CSMD1: variants seen among roughly 807,000 people sequenced by gnomAD.
CSMD1 encodes CUB and Sushi multiple domains 1.
A neutral mutation model predicts 417.5 loss-of-function variants in CSMD1; 213 were observed. That is an observed-to-expected ratio of 0.51 (90% confidence interval 0.46 to 0.57). The LOEUF is 0.57. Among genes scored for constraint, CSMD1 ranks in the 20% least tolerant of loss-of-function variants. CSMD1 has a pLI of 0.00. For missense variants in CSMD1, 6,923 were observed against 4,529.7 expected (o/e 1.53, Z -15.17); for synonymous variants, 2,862 against 1,736.8 (o/e 1.65, Z -16.11).
At chr8:4,518,159 A>C (rs1803225807) in intron 2 of CSMD1, among the ~76,000 whole-genome samples, 1 of 151,936 alleles carries the variant, frequency 6.6e-6, no homozygotes. Context: ...GCCATAAGAC[A>C]AGAAGACAGA....
intron 3 of CSMD1, among the ~76,000 whole-genome samples, chr8:4,103,059 C>T (rs1801387190): frequency 6.6e-6 from 1 of 152,144 alleles, no homozygotes; most frequent in Admixed American, 6.6e-5. Flanking sequence ...AATTATGTTA[C>T]ATGGTTGTGC....
Position 3,481,544 on chromosome 8 carries a change from A to C in CSMD1, c.1448+12079T>G, listed in dbSNP as rs77515206. ...AATCCTGCTCTCACTCTAATCCCTC[A>C]AATCTGTGAAACTTACTTTTCAGAT... On this transcript the variant is annotated intron_variant, in intron 11 of 69. Transcript: ENST00000635120. 7.2e-3 allele frequency among the ~76,000 whole-genome samples: 1,093 copies of C among 152,292 alleles called. 5 individuals carry two copies. The highest frequency in any genetic ancestry group is 0.025 in the African/African-American group (1,036 of 41,558).
chr8:3,269,390 A>T (rs1378508904), intron 26 of CSMD1, among the ~76,000 whole-genome samples: 4 of 152,216 alleles, frequency 2.6e-5, no homozygotes, highest in Admixed American at 2.0e-4. Context: ...CATCAACCAC[A>T]CAGGCTTACG....
chr8:3,134,345 G>A (rs1231559770), intron 41 of CSMD1, among the ~76,000 whole-genome samples: 11 of 152,178 alleles, frequency 7.2e-5, no homozygotes, highest in Admixed American at 5.2e-4. Context: ...CAGCCACAGC[G>A]GACATCTGGA....
At chr8:4,786,439 C>T (rs1302704901) in intron 1 of CSMD1, among the ~76,000 whole-genome samples, 1 of 152,204 alleles carries the variant, frequency 6.6e-6, no homozygotes, top group Non-Finnish European at 1.5e-5. Flanking sequence ...CTCCAGCATT[C>T]ATCATGTATC....
At chr8:3,027,677 C>T (rs543426120) in intron 51 of CSMD1, among the ~76,000 whole-genome samples, 3 of 152,214 alleles carry the variant, frequency 2.0e-5, no homozygotes, top group African/African-American at 7.2e-5. Context: ...GCCCGAGACA[C>T]CTAGACATGT....
At chr8:4,566,665 A>G (rs1054882956) in intron 2 of CSMD1, among the ~76,000 whole-genome samples, 1 of 151,138 alleles carries the variant, frequency 6.6e-6, no homozygotes, top group African/African-American at 2.4e-5. Flanking sequence ...AAAAAAAAAA[A>G]AAAAAAAAAA....
chr8:3,823,157 A>C (rs1218450091), intron 5 of CSMD1, among the ~76,000 whole-genome samples: 1 of 152,156 alleles, frequency 6.6e-6, no homozygotes, highest in South Asian at 2.1e-4. Context: ...TTGTGTCTTC[A>C]TATCTTCTTT....
chr8:4,517,292 T>A (rs983815061), intron 2 of CSMD1, among the ~76,000 whole-genome samples: 8 of 152,318 alleles, frequency 5.3e-5, no homozygotes, highest in African/African-American at 1.7e-4. Flanking sequence ...ATAAAAGCTG[T>A]ATGTCGTGAG....
intron 5 of CSMD1, among the ~76,000 whole-genome samples, chr8:3,952,130 G>C (rs1358095304): frequency 6.6e-6 from 1 of 152,098 alleles, no homozygotes; most frequent in African/African-American, 2.4e-5. Context: ...TTTAAGTAGT[G>C]GTTCACAAAG....
chr8:3,676,838 T>A (rs1563262648), intron 7 of CSMD1, among the ~76,000 whole-genome samples: 1 of 151,996 alleles, frequency 6.6e-6, no homozygotes, highest in South Asian at 2.1e-4. Context: ...AAAGGATGAG[T>A]TCATTTCCTT....
intron 26 of CSMD1, among the ~76,000 whole-genome samples, chr8:3,276,572 C>T (rs996812282): frequency 8.5e-5 from 13 of 152,166 alleles, no homozygotes; most frequent in African/African-American, 3.1e-4. Flanking sequence ...TTACCTCCCA[C>T]TGGGTCCCTC....
chr8:2,951,222 A>T lies in CSMD1; in HGVS notation c.10093T>A (p.Leu3365Ile). The T allele has an allele frequency of 1.2e-6, 2 of 1,609,244 alleles. No individual in the cohort carries two copies. The highest frequency in any genetic ancestry group is 1.3e-5 in the African/African-American group (1 of 74,954). ...NSLWKGYYEY[L>I]GKRQPATLTV... ...AGAGTGGCGGGTTGTCTTTTCCCTA[A>T]ATATTCATAATACCCCTTCCACAGT... is the stretch of plus-strand genomic sequence containing the variant. The change falls in exon 66 of 70, where the codon TTA becomes ATA. Residue 3365 changes from leucine (L) to isoleucine (I), a missense_variant. Coordinates refer to ENST00000635120, the MANE Select transcript of CSMD1 (RefSeq NM_033225.6).
intron 16 of CSMD1, among the ~76,000 whole-genome samples, chr8:3,398,276 ACTT>A: frequency 6.6e-6 from 1 of 152,212 alleles, no homozygotes; most frequent in African/African-American, 2.4e-5. Flanking sequence ...TCAACTGAAT[ACTT>A]ACAGAGTTAG....
intron 8 of CSMD1, among the ~76,000 whole-genome samples, chr8:3,598,055 T>C (rs1038931613): frequency 6.6e-6 from 1 of 152,218 alleles, no homozygotes; most frequent in Admixed American, 6.5e-5. Context: ...AACACTTTCT[T>C]CTTAATACAG....
intron 3 of CSMD1, among the ~76,000 whole-genome samples, chr8:4,177,138 C>T (rs1197728064): frequency 2.6e-5 from 4 of 152,272 alleles, no homozygotes; most frequent in South Asian, 2.1e-4. Flanking sequence ...TGTTTTTCAG[C>T]ACCACACCAC....
chr8:3,697,013 G>A (rs559388339), intron 7 of CSMD1, among the ~76,000 whole-genome samples: 3 of 152,232 alleles, frequency 2.0e-5, no homozygotes, highest in East Asian at 1.9e-4. Flanking sequence ...CATGGGTTCT[G>A]GTGAATGTGG....
intron 5 of CSMD1, among the ~76,000 whole-genome samples, chr8:3,897,116 C>G (rs1048776974): frequency 3.9e-5 from 6 of 152,276 alleles, no homozygotes; most frequent in African/African-American, 1.4e-4. Context: ...CATGACAGCA[C>G]TGAAATCACA....
chr8:4,430,101 G>C (rs1447929060), intron 2 of CSMD1, among the ~76,000 whole-genome samples: 2 of 152,158 alleles, frequency 1.3e-5, no homozygotes, highest in East Asian at 1.9e-4. Context: ...AATCCCAGAA[G>C]TGAGGTTTAT....
Sources: gnomAD v4.1 joint callset for allele counts (sites outside exome capture counted in the v4.1 genomes callset) on GRCh38, gnomAD v4.1.1 for gene constraint, MANE v1.5 for transcripts, NCBI Gene and HGNC (gene_info 2026-07-23, HGNC 2026-07-21) for gene names.